Variants in KCNIP4 observed in about 807,000 individuals in gnomAD.
KCNIP4 encodes Kv channel-interacting protein 4.
A neutral mutation model predicts 34.0 loss-of-function variants in KCNIP4; 12 were observed. The observed-to-expected ratio is 0.35, with a 90% CI of 0.23 to 0.57. The LOEUF is 0.57. KCNIP4 is among the 20% of genes least tolerant of loss of function. The pLI is 0.83. For synonymous variants in KCNIP4, 124 were observed against 102.2 expected, an observed-to-expected ratio of 1.21 and a Z score of -1.29; for missense variants, 238 against 311.7, an observed-to-expected ratio of 0.76 and a Z score of 1.78.
chr4:21,346,855 A>T (rs758211103), intron 1 of KCNIP4, among the ~76,000 whole-genome samples: 27 of 152,184 alleles, frequency 1.8e-4, no homozygotes, highest in Admixed American at 4.6e-4. Flanking sequence ...GATAAAAAAG[A>T]TGACTCAATA....
chr4:21,683,847 A>T (rs1029578312), intron 1 of KCNIP4, among the ~76,000 whole-genome samples: 2 of 152,148 alleles, frequency 1.3e-5, no homozygotes, highest in African/African-American at 4.8e-5. Context: ...ACAGAAAACC[A>T]AATACCTGTG....
intron 1 of KCNIP4, among the ~76,000 whole-genome samples, chr4:21,075,778 A>C (rs972433592): frequency 3.9e-5 from 6 of 152,064 alleles, no homozygotes; most frequent in Admixed American, 2.0e-4. Context: ...TGGCTGGTAC[A>C]AGTTGTTCCT....
chr4:21,484,819 A>G (rs932006804), intron 1 of KCNIP4, among the ~76,000 whole-genome samples: 1 of 151,998 alleles, frequency 6.6e-6, no homozygotes, highest in African/African-American at 2.4e-5. Flanking sequence ...GAACTTTAAC[A>G]TTTTGTCTTG....
rs575399781 is a variant in KCNIP4 at position 21,352,326 on chromosome 4, G to A, written c.62-469617C>T. ...GCAAGCCAAAGCAGGGTGGGACGTC[G>A]CCTCACCCAGGAAGTGCAAGGGGTC... is the stretch of plus-strand genomic sequence containing the variant. On this transcript the variant is annotated intron_variant, in intron 1 of 8. Transcript: ENST00000382152. 6.6e-5 allele frequency among the ~76,000 whole-genome samples: 10 copies of A among 152,164 alleles called. 1 individual carries two copies. The highest frequency in any genetic ancestry group is 4.1e-4 in the South Asian group (2 of 4,826).
intron 1 of KCNIP4, among the ~76,000 whole-genome samples, chr4:21,566,815 C>T (rs1380812): frequency 0.44 from 67,150 of 151,804 alleles, 14,905 homozygotes; most frequent in East Asian, 0.56. Flanking sequence ...TTGAACCAGA[C>T]ATCAGTTGCT....
chr4:21,041,824 A>G (rs1168060666), intron 1 of KCNIP4, among the ~76,000 whole-genome samples: 1 of 152,200 alleles, frequency 6.6e-6, no homozygotes, highest in African/African-American at 2.4e-5. Flanking sequence ...TCTAAATGAA[A>G]CACATTGTGG....
At chr4:21,682,724 A>C (rs1335089048) in intron 1 of KCNIP4, among the ~76,000 whole-genome samples, 1 of 152,126 alleles carries the variant, frequency 6.6e-6, no homozygotes, top group African/African-American at 2.4e-5. Context: ...AATTGAACTA[A>C]TTGTAATACT....
At chr4:21,697,483 CAAT>C (rs373715526) in intron 1 of KCNIP4, 1,887 of 1,484,422 alleles carry the variant, frequency 1.3e-3, no homozygotes, top group South Asian at 3.4e-3. Flanking sequence ...AAGTCTTTGC[CAAT>C]AATAATAATA....
chr4:21,009,320 T>C (rs1738857638), intron 1 of KCNIP4, among the ~76,000 whole-genome samples: 1 of 152,334 alleles, frequency 6.6e-6, no homozygotes, highest in Admixed American at 6.5e-5. Context: ...TGGATTTGGA[T>C]GGCTTTGCAA....
chr4:21,210,574 T>C (rs1757147762), intron 1 of KCNIP4, among the ~76,000 whole-genome samples: 1 of 152,202 alleles, frequency 6.6e-6, no homozygotes, highest in African/African-American at 2.4e-5. Context: ...GTAGGTTTTA[T>C]CTAATAACTT....
At chr4:21,437,215 C>T (rs1727018521) in intron 1 of KCNIP4, among the ~76,000 whole-genome samples, 5 of 152,150 alleles carry the variant, frequency 3.3e-5, no homozygotes, top group Non-Finnish European at 7.3e-5. Context: ...CTATGCCTCT[C>T]TCACTACATT....
chr4:21,306,821 CTT>C (rs199792803), intron 1 of KCNIP4, among the ~76,000 whole-genome samples: 1 of 145,808 alleles, frequency 6.9e-6, no homozygotes. Context: ...TAGGCAGGAA[CTT>C]TTTTTTTTTT....
intron 1 of KCNIP4, among the ~76,000 whole-genome samples, chr4:21,045,363 A>C (rs1430996209): frequency 6.6e-6 from 1 of 152,212 alleles, no homozygotes; most frequent in Non-Finnish European, 1.5e-5. Flanking sequence ...AGATGATGCT[A>C]ATTTTGCTGG....
intron 5 of KCNIP4, among the ~76,000 whole-genome samples, chr4:20,738,570 A>T (rs1578445914): frequency 6.6e-6 from 1 of 152,316 alleles, no homozygotes; most frequent in East Asian, 1.9e-4. Context: ...TCACCACCAC[A>T]CAAAACAGCA....
chr4:20,758,991 C>A, intron 3 of KCNIP4, 101 bp from the exon 4 acceptor site: 2 of 805,922 alleles, frequency 2.5e-6, no homozygotes, highest in Non-Finnish European at 2.0e-6. Context: ...AAAGCTGCAC[C>A]AAGAAAATTA....
intron 1 of KCNIP4, among the ~76,000 whole-genome samples, chr4:21,479,596 A>G (rs1358899106): frequency 6.6e-6 from 1 of 152,170 alleles, no homozygotes; most frequent in African/African-American, 2.4e-5. Flanking sequence ...ACATACACAC[A>G]CATACAGGTA....
chr4:21,382,454 G>T (rs746861422), intron 1 of KCNIP4, among the ~76,000 whole-genome samples: 3 of 152,242 alleles, frequency 2.0e-5, no homozygotes, highest in Admixed American at 6.5e-5. Context: ...GGACCAATAA[G>T]TTCAAAGTAA....
At chr4:21,142,624 C>T (rs1752056711) in intron 1 of KCNIP4, among the ~76,000 whole-genome samples, 1 of 152,092 alleles carries the variant, frequency 6.6e-6, no homozygotes, top group Non-Finnish European at 1.5e-5. Context: ...GATCTGAGGT[C>T]AGAGTTGCTA....
chr4:21,489,606 G>T (rs374353417), intron 1 of KCNIP4, among the ~76,000 whole-genome samples: 4 of 152,062 alleles, frequency 2.6e-5, no homozygotes, highest in Admixed American at 2.6e-4. Context: ...TTATGCATTT[G>T]TGTTGTGTTC....
Sources: allele counts gnomAD v4.1 joint callset (sites outside exome capture counted in the v4.1 genomes callset), GRCh38; gene constraint gnomAD v4.1.1; transcripts MANE v1.5; gene names NCBI Gene and HGNC (gene_info 2026-07-23, HGNC 2026-07-21).